MYO1F: variants seen among roughly 807,000 people sequenced by gnomAD.
The protein encoded by MYO1F is myosin IF.
A neutral mutation model predicts 146.6 loss-of-function variants in MYO1F; 60 were observed. That is an observed-to-expected ratio of 0.41 (90% CI 0.33 to 0.51). MYO1F has a LOEUF of 0.51. MYO1F is among the 20% of genes least tolerant of loss of function. MYO1F has a pLI of 0.25. For missense variants in MYO1F, 1,274 were observed against 1,534.3 expected (o/e 0.83, Z 2.83); for synonymous variants, 602 against 602.1 (o/e 1.00, Z 0.00).
In MYO1F at chr19:8,536,261, G is replaced by A; in HGVS notation, c.2034C>T (p.Asn678=). 6.2e-7 allele frequency: 1 copy of A among 1,605,366 alleles called. No individual in the cohort carries two copies. Among genetic ancestry groups the A allele is most frequent in the Non-Finnish European group, 8.5e-7 (1 of 1,179,930 alleles). ...QMGSTKVFVK[N]PESLFLLEEV... ...CCTCAAACACACTCACCGACTCTGGGTTCTTGACAAAGACCTTGGTGCTCC... is the reference window on the plus strand; with the variant it reads ...CCTCAAACACACTCACCGACTCTGGATTCTTGACAAAGACCTTGGTGCTCC... Residue 678 remains asparagine (N), a synonymous_variant, in exon 19 of 28, where the codon AAC becomes AAT. Transcript: ENST00000644032.
chr19:8,566,418 C>T (rs1229694786), intron 1 of MYO1F, among the ~76,000 whole-genome samples: 10 of 151,866 alleles, frequency 6.6e-5, no homozygotes, highest in African/African-American at 1.7e-4. Context: ...CCACCCGCCT[C>T]GGCCTCCCAA....
At chr19:8,549,961 C>CA in intron 10 of MYO1F, 199 bp downstream of exon 10, 1 of 660,474 alleles carries the variant, frequency 1.5e-6, no homozygotes, top group Non-Finnish European at 2.7e-6. Flanking sequence ...CCACTACACC[C>CA]AACTAATTTG....
chr19:8,547,505 G>A (rs1263943616), intron 12 of MYO1F, among the ~76,000 whole-genome samples: 1 of 151,172 alleles, frequency 6.6e-6, no homozygotes, highest in African/African-American at 2.4e-5. Flanking sequence ...TCGGGAGGCT[G>A]AGGCAGGAGA....
chr19:8,561,966 C>T (rs1211876790), intron 1 of MYO1F, among the ~76,000 whole-genome samples: 4 of 151,794 alleles, frequency 2.6e-5, no homozygotes, highest in South Asian at 2.1e-4. Flanking sequence ...CCACCCATGT[C>T]GGCCTCCCAA....
chr19:8,538,714 A>G lies in MYO1F; in HGVS notation c.1692+1233T>C, dbSNP rs184717640. 5.4e-3 allele frequency among the ~76,000 whole-genome samples: 826 copies of G among 151,904 alleles called. 7 individuals carry two copies. The highest frequency in any genetic ancestry group is 0.019 in the African/African-American group (797 of 41,414). On this transcript the variant is annotated intron_variant, in intron 16 of 27. Coordinates refer to ENST00000644032, the MANE Select transcript of MYO1F (RefSeq NM_012335.4). ...ATGATCCTCCTGCCTCAGCCTCCCA[A>G]GTAGCTGGGACCACAGGTGTGCACT... is the stretch of plus-strand genomic sequence containing the variant.
At chr19:8,538,270 T>TTTTTA (rs902064883) in intron 16 of MYO1F, among the ~76,000 whole-genome samples, 7 of 151,602 alleles carry the variant, frequency 4.6e-5, no homozygotes, top group African/African-American at 1.2e-4. Context: ...CTGGCTTGCA[T>TTTTTA]TTTTATTTTA....
chr19:8,536,981 C>T lies in MYO1F; in HGVS notation c.1767G>A (p.Glu589=), dbSNP rs1255468437. ...PHYIRCIKPN[E]TKRPRDWEEN... The stretch of plus-strand genomic sequence containing the variant: ...CCTCCCAGTCTCGGGGCCTCTTGGT[C>T]TCGTTGGGTTTGATGCAGCGGATGT... Residue 589 remains glutamate, a synonymous_variant, in exon 17 of 28, where the codon GAG becomes GAA. Transcript: ENST00000644032. 1.9e-6 allele frequency: 3 copies of T among 1,612,948 alleles called. No homozygotes were observed. The highest frequency in any genetic ancestry group is 3.3e-4 in the Middle Eastern group (2 of 6,058).
chr19:8,537,339 C>T (rs944790439), intron 16 of MYO1F, among the ~76,000 whole-genome samples: 1 of 152,174 alleles, frequency 6.6e-6, no homozygotes, highest in Non-Finnish European at 1.5e-5. Flanking sequence ...ATAGTAAGTG[C>T]TCAGTAAATG....
At chr19:8,535,403 A>G (rs938058594) in intron 19 of MYO1F, among the ~76,000 whole-genome samples, 1 of 152,032 alleles carries the variant, frequency 6.6e-6, no homozygotes, top group Admixed American at 6.6e-5. Context: ...TTTACTTTAT[A>G]TAGTCTTTGC....
rs1271410270 is a variant in MYO1F at position 8,536,970 on chromosome 19, G to A, written c.1778C>T (p.Pro593Leu). The change falls in exon 17 of 28, where the codon CCC (proline) becomes CTC (leucine). Residue 593 changes from proline (P) to leucine (L), a missense_variant. By Grantham distance (98) the Pro-to-Leu change is moderately conservative (BLOSUM62 -3). Coordinates refer to ENST00000644032, the MANE Select transcript of MYO1F (RefSeq NM_012335.4). ...RCIKPNETKR[P>L]RDWEENRVKH... ...TCACCTGTTCTCCTCCCAGTCTCGGGGCCTCTTGGTCTCGTTGGGTTTGAT... is the reference window on the plus strand; with the variant it reads ...TCACCTGTTCTCCTCCCAGTCTCGGAGCCTCTTGGTCTCGTTGGGTTTGAT... 6.2e-7 allele frequency: 1 copy of A among 1,613,342 alleles called. No individual in the cohort carries two copies. Among genetic ancestry groups the A allele is most frequent in the South Asian group, 1.1e-5 (1 of 91,050 alleles).
At chr19:8,555,294 C>T (rs998109915) in intron 2 of MYO1F, 7 of 262,962 alleles carry the variant, frequency 2.7e-5, no homozygotes, top group African/African-American at 7.2e-5. Flanking sequence ...CATTTGAATC[C>T]GGGAGGTGGA....
At chr19:8,543,996 CTGGTGGTGGCGG>C (rs1470469604) in intron 14 of MYO1F, 5 of 138,574 alleles carry the variant, frequency 3.6e-5, no homozygotes, top group Admixed American at 2.7e-4. Flanking sequence ...GGTGGTGGTG[CTGGTGGTGGCGG>C]TGGCGGTGGC....
At chr19:8,574,599 T>TC (rs1568381307) in intron 1 of MYO1F, among the ~76,000 whole-genome samples, 127 of 47,226 alleles carry the variant, frequency 2.7e-3, no homozygotes, top group East Asian at 5.7e-3. Flanking sequence ...CTCTCTCTCT[T>TC]TCTTTCTTTC....
At chr19:8,537,455 G>A (rs992600862) in intron 16 of MYO1F, among the ~76,000 whole-genome samples, 1 of 151,980 alleles carries the variant, frequency 6.6e-6, no homozygotes, top group African/African-American at 2.4e-5. Context: ...GTTTTATTTT[G>A]TTTTGAGATG....
intron 8 of MYO1F, 104 bp downstream of exon 8, chr19:8,551,636 G>T: frequency 6.5e-7 from 1 of 1,549,290 alleles, no homozygotes; most frequent in Non-Finnish European, 8.9e-7. Flanking sequence ...ACAGGCTTGA[G>T]CCACATGCCT....
intron 27 of MYO1F, 81 bp from the exon 28 acceptor site, chr19:8,521,685 T>C (rs1301288100): frequency 1.5e-6 from 2 of 1,302,022 alleles, no homozygotes; most frequent in Non-Finnish European, 2.2e-6. Flanking sequence ...ATCTTGTTCA[T>C]GGGGACTCCC....
chr19:8,557,149 G>T (rs1973895877), intron 1 of MYO1F, among the ~76,000 whole-genome samples: 1 of 152,018 alleles, frequency 6.6e-6, no homozygotes, highest in Non-Finnish European at 1.5e-5. Context: ...TAGACGAGTG[G>T]TGGCATGTGT....
rs561005433 is a variant in MYO1F, at chr19:8,553,196, C to T, written c.447G>A (p.Pro149=). ...HVKDIILQSN[P]LLEAFGNAKT... ...TGGCGTTGCCGAAGGCCTCGAGCAG[C>T]GGGTTGGACTGCAGGATGATATCTT... The change falls in exon 6 of 28, where the codon CCG becomes CCA. Residue 149 remains proline, a synonymous_variant. Coordinates refer to ENST00000644032, the MANE Select transcript of MYO1F (RefSeq NM_012335.4). 1.7e-5 allele frequency: 28 copies of T among 1,614,138 alleles called. No individual in the cohort carries two copies. The highest frequency in any genetic ancestry group is 8.3e-5 in the Admixed American group (5 of 59,996).
Position 8,530,501 on chromosome 19 carries a change from G to T in MYO1F, c.2116C>A (p.Arg706Ser). ...TCGTACTTCCGGACAGCCACGTGGC[G>T]CCGCCAGGCCTTCTGGATGGTTCGG... ...FARTIQKAWRRHVAVRKYEEM... is the reference protein window; with the variant it reads ...FARTIQKAWRSHVAVRKYEEM... Residue 706 changes from arginine (R) to serine (S), a missense_variant, in exon 20 of 28, where the codon CGC becomes AGC. By Grantham distance (110) the Arg-to-Ser change is moderately radical (BLOSUM62 -1). Transcript: ENST00000644032. The surrounding 1 kb of genome is among the most constrained non-coding windows in gnomAD (Gnocchi z 5.8). 2 of 1,613,664 alleles carry T rather than the reference G, an allele frequency of 1.2e-6. No homozygotes were observed. Among genetic ancestry groups the T allele is most frequent in the South Asian group, 1.1e-5 (1 of 91,088 alleles).
Sources: allele counts gnomAD v4.1 joint callset (sites outside exome capture counted in the v4.1 genomes callset), GRCh38; gene constraint gnomAD v4.1.1; non-coding constraint Gnocchi (gnomAD v3.1); transcripts MANE v1.5; gene names NCBI Gene and HGNC (gene_info 2026-07-23, HGNC 2026-07-21).